Variants in GALK2 observed in about 807,000 individuals in gnomAD.
GALK2 encodes the protein galactokinase 2.
GALK2 carries 36 observed loss-of-function variants against 52.4 expected under a neutral mutation model. That is an observed-to-expected ratio of 0.69 (90% CI 0.53 to 0.91). The LOEUF is 0.91. Among genes scored for constraint, GALK2 ranks in the 40% least tolerant of loss-of-function variants. GALK2 has a pLI of 0.00. For missense variants in GALK2, 579 were observed against 559.1 expected (o/e 1.04, Z -0.36); for synonymous variants, 176 against 199.1 (o/e 0.88, Z 0.98).
intron 2 of GALK2, among the ~76,000 whole-genome samples, chr15:49,210,683 C>T (rs779025418): frequency 1.5e-4 from 23 of 151,942 alleles, no homozygotes; most frequent in Admixed American, 7.2e-4. Context: ...TCAGGTGATC[C>T]ACCCGCCTCG....
At chr15:49,200,445 AT>A (rs2087640954) in intron 1 of GALK2, among the ~76,000 whole-genome samples, 1 of 152,204 alleles carries the variant, frequency 6.6e-6, no homozygotes, top group African/African-American at 2.4e-5. Context: ...TGCAAATGTA[AT>A]GAATTAAGAT....
intron 9 of GALK2, among the ~76,000 whole-genome samples, chr15:49,323,680 A>G (rs905528157): frequency 2.0e-5 from 3 of 152,208 alleles, no homozygotes; most frequent in African/African-American, 7.2e-5. Flanking sequence ...TACTTAGCAT[A>G]TAGGACAATG....
chr15:49,171,774 C>CTTT (rs199923207), intron 1 of GALK2, among the ~76,000 whole-genome samples: 7 of 130,994 alleles, frequency 5.3e-5, no homozygotes, highest in Non-Finnish European at 6.7e-5. Context: ...GTAGTTTAGT[C>CTTT]TTATTTTTTT....
At chr15:49,317,241 C>T (rs1444533263) in intron 8 of GALK2, among the ~76,000 whole-genome samples, 19 of 151,954 alleles carry the variant, frequency 1.3e-4, no homozygotes, top group Non-Finnish European at 2.9e-5. Flanking sequence ...TAAGAAATTA[C>T]AGACTTTTTG....
At chr15:49,282,153 C>A in intron 6 of GALK2, 68 bp downstream of exon 6, 3 of 1,085,970 alleles carry the variant, frequency 2.8e-6, no homozygotes, top group Admixed American at 1.8e-5. Flanking sequence ...GAGAAGAAGG[C>A]CCTGAGAGCC....
At chr15:49,334,543 C>T (rs1488042162), downstream of GALK2, among the ~76,000 whole-genome samples, 3 of 152,238 alleles carry the variant, frequency 2.0e-5, no homozygotes, top group East Asian at 5.8e-4. Flanking sequence ...CAGGGGCCCT[C>T]TAGAAAGGTG....
intron 9 of GALK2, among the ~76,000 whole-genome samples, chr15:49,322,199 G>GTTTCAT (rs1481457630): frequency 1.3e-5 from 2 of 152,096 alleles, no homozygotes; most frequent in Admixed American, 1.3e-4. Flanking sequence ...CAGCTAAAGT[G>GTTTCAT]TTTCATTTTC....
At chr15:49,295,025 C>T (rs981007898) in intron 8 of GALK2, among the ~76,000 whole-genome samples, 3 of 152,080 alleles carry the variant, frequency 2.0e-5, no homozygotes, top group African/African-American at 7.2e-5. Context: ...AACTATTGCT[C>T]TATACTCTAT....
chr15:49,332,322 G>A (rs1350546005), downstream of GALK2, among the ~76,000 whole-genome samples: 1 of 152,220 alleles, frequency 6.6e-6, no homozygotes, highest in African/African-American at 2.4e-5. Flanking sequence ...GGAGAGAAGA[G>A]TAAAAGAGAC....
chr15:49,264,503 C>T (rs1271330294), intron 5 of GALK2, among the ~76,000 whole-genome samples: 1 of 152,156 alleles, frequency 6.6e-6, no homozygotes, highest in Non-Finnish European at 1.5e-5. Flanking sequence ...AACTTCTTTG[C>T]CTTTGGTTTG....
intron 8 of GALK2, among the ~76,000 whole-genome samples, chr15:49,317,955 T>C (rs768363523): frequency 1.1e-4 from 16 of 152,040 alleles, no homozygotes; most frequent in Non-Finnish European, 1.5e-4. Context: ...AAATACCTAA[T>C]AGAGATGACG....
At chr15:49,351,725 G>A (rs1424011448) in intron 3 of GALK2, among the ~76,000 whole-genome samples, 1 of 150,758 alleles carries the variant, frequency 6.6e-6, no homozygotes, top group African/African-American at 2.4e-5. Flanking sequence ...GTTGAACCCT[G>A]ATAACAGTCC....
chr15:49,251,639 T>C (rs1016859124), intron 5 of GALK2, among the ~76,000 whole-genome samples: 7 of 152,194 alleles, frequency 4.6e-5, no homozygotes, highest in African/African-American at 1.7e-4. Context: ...TGAAGCTTTA[T>C]GCCAGTTGAT....
chr15:49,238,762 G>T (rs1370747764), intron 4 of GALK2, among the ~76,000 whole-genome samples: 4 of 152,142 alleles, frequency 2.6e-5, no homozygotes, highest in African/African-American at 9.7e-5. Context: ...ACAAGTCACT[G>T]CTTGGGGGCT....
intron 5 of GALK2, among the ~76,000 whole-genome samples, chr15:49,246,996 CA>C (rs1566975186): frequency 6.6e-6 from 1 of 152,008 alleles, no homozygotes; most frequent in African/African-American, 2.4e-5. Flanking sequence ...AAGAGCTATA[CA>C]AATAAATATA....
intron 1 of GALK2, among the ~76,000 whole-genome samples, chr15:49,163,410 C>T (rs375831929): frequency 2.2e-4 from 34 of 152,148 alleles, no homozygotes; most frequent in African/African-American, 7.9e-4. Flanking sequence ...TACCTAAGGG[C>T]GCTGAGATTT....
chr15:49,156,158 A>C, intron 1 of GALK2: 1 of 805,194 alleles, frequency 1.2e-6, no homozygotes, highest in Non-Finnish European at 2.1e-6. Context: ...AATTCTATGG[A>C]TATCCTAAAT....
chr15:49,286,450 A>G (rs1263042058), intron 7 of GALK2, among the ~76,000 whole-genome samples: 1 of 152,186 alleles, frequency 6.6e-6, no homozygotes, highest in African/African-American at 2.4e-5. Context: ...CTGACTTAGC[A>G]CTTCTCCTCT....
intron 3 of GALK2, among the ~76,000 whole-genome samples, chr15:49,361,168 T>G (rs1045350719): frequency 6.6e-6 from 1 of 152,294 alleles, no homozygotes; most frequent in East Asian, 1.9e-4. Context: ...TTTTACCCCA[T>G]AAATATATAC....
Sources: allele counts gnomAD v4.1 joint callset (sites outside exome capture counted in the v4.1 genomes callset), GRCh38; gene constraint gnomAD v4.1.1; transcripts MANE v1.5; gene names NCBI Gene and HGNC (gene_info 2026-07-23, HGNC 2026-07-21).